Variants in PCDHA2 observed in about 807,000 individuals in gnomAD.
PCDHA2 encodes protocadherin alpha 2, also known as protocadherin alpha-2.
Under a neutral mutation model 66.0 loss-of-function variants are expected in PCDHA2, and 58 were observed. The observed-to-expected ratio is 0.88, with a 90% CI of 0.71 to 1.09. The LOEUF is 1.09. Among genes scored for constraint, PCDHA2 ranks in the 50% least tolerant of loss-of-function variants. PCDHA2 has a pLI of 0.00. For missense variants in PCDHA2, 1,267 were observed against 1,242.3 expected, an observed-to-expected ratio of 1.02 and a Z score of -0.30; for synonymous variants, 634 against 554.0, an observed-to-expected ratio of 1.14 and a Z score of -2.03.
At chr5:140,818,319 T>G (rs2150100782) in intron 1 of PCDHA2, among the ~76,000 whole-genome samples, 2 of 152,234 alleles carry the variant, frequency 1.3e-5, no homozygotes, top group Admixed American at 1.3e-4. Flanking sequence ...CTTTAGGAAT[T>G]TTATCTTGTT....
At chr5:140,930,842 T>C (rs183476886) in intron 1 of PCDHA2, among the ~76,000 whole-genome samples, 1 of 152,338 alleles carries the variant, frequency 6.6e-6, no homozygotes, top group Admixed American at 6.5e-5. Flanking sequence ...TGAATAAATA[T>C]GTGCATATAT....
At chr5:140,818,560 G>A (rs1554127511) in intron 1 of PCDHA2, among the ~76,000 whole-genome samples, 1 of 152,194 alleles carries the variant, frequency 6.6e-6, no homozygotes, top group East Asian at 1.9e-4. Flanking sequence ...AATCAGGCCA[G>A]GCATGGTGGC....
intron 1 of PCDHA2, among the ~76,000 whole-genome samples, chr5:140,978,085 C>T (rs1056593415): frequency 2.2e-4 from 33 of 152,186 alleles, no homozygotes; most frequent in African/African-American, 8.0e-4. Flanking sequence ...AGCTTCTAAC[C>T]AGCACATAAC....
intron 1 of PCDHA2, among the ~76,000 whole-genome samples, chr5:140,947,713 T>G (rs1252298380): frequency 6.6e-6 from 1 of 151,618 alleles, no homozygotes; most frequent in African/African-American, 2.4e-5. Flanking sequence ...AGTATTGAGG[T>G]TTCAAAAGTT....
chr5:140,806,886 T>C (rs1178813131), intron 1 of PCDHA2: 1 of 431,026 alleles, frequency 2.3e-6, no homozygotes, highest in African/African-American at 2.0e-5. Context: ...GTACAAAATG[T>C]ATTCCTATTC....
At chr5:140,823,145 C>T in intron 1 of PCDHA2, 7 of 1,614,012 alleles carry the variant, frequency 4.3e-6, no homozygotes, top group Non-Finnish European at 5.1e-6. Context: ...TTCGCGCAGC[C>T]CCAGTATACC....
chr5:140,834,443 T>C (rs1554134210), intron 1 of PCDHA2: 2 of 1,602,170 alleles, frequency 1.2e-6, no homozygotes, highest in Admixed American at 1.7e-5. Flanking sequence ...TTATTATAAT[T>C]CTAGCAGCTT....
chr5:140,875,401 G>T, intron 1 of PCDHA2: 1 of 1,487,486 alleles, frequency 6.7e-7, no homozygotes, highest in Non-Finnish European at 8.9e-7. Context: ...AAGGGTGACT[G>T]CTCATAAAAT....
chr5:140,975,759 A>G (rs1420459945), intron 1 of PCDHA2, among the ~76,000 whole-genome samples: 1 of 152,248 alleles, frequency 6.6e-6, no homozygotes, highest in Non-Finnish European at 1.5e-5. Context: ...TCTATGTCAT[A>G]AATCACAGAT....
chr5:140,902,209 T>C (rs1583451921), intron 1 of PCDHA2, among the ~76,000 whole-genome samples: 2 of 150,148 alleles, frequency 1.3e-5, no homozygotes, highest in African/African-American at 4.9e-5. Context: ...CTTTCTTTTT[T>C]TTTTTTTTTT....
intron 1 of PCDHA2, chr5:140,863,859 G>A (rs1448688968): frequency 1.7e-5 from 3 of 176,552 alleles, no homozygotes; most frequent in African/African-American, 4.8e-5. Flanking sequence ...AAATTAGCTG[G>A]GTGTGGTGGT....
chr5:140,883,098 T>C lies in PCDHA2; in HGVS notation c.2388+85746T>C, dbSNP rs369154076. 21 of 1,614,014 alleles carry C rather than the reference T, an allele frequency of 1.3e-5. No homozygotes were observed. In the East Asian group the frequency reaches 4.0e-4, roughly 31 times the overall value. On this transcript the variant is annotated intron_variant, in intron 1 of 3. Coordinates refer to ENST00000526136, the MANE Select transcript of PCDHA2 (RefSeq NM_018905.3). ...CCTGATGATGGTACAAATGGAGATA[T>C]AGTTTACTCATTTAGAAGGCCTGTA... is the stretch of plus-strand genomic sequence containing the variant.
intron 1 of PCDHA2, among the ~76,000 whole-genome samples, chr5:140,818,447 T>C (rs2150101283): frequency 0.059 from 8,929 of 152,300 alleles, 871 homozygotes; most frequent in African/African-American, 0.2. Context: ...TACTGGCTAA[T>C]GTCAAAAGAA....
At chr5:140,863,270 T>C (rs1554158046) in intron 1 of PCDHA2, 1 of 1,459,904 alleles carries the variant, frequency 6.8e-7, no homozygotes, top group Admixed American at 1.8e-5. Flanking sequence ...GAGGCAGCGC[T>C]GGTGGATGTC....
At chr5:140,896,672 C>T (rs912022786) in intron 1 of PCDHA2, among the ~76,000 whole-genome samples, 7 of 152,028 alleles carry the variant, frequency 4.6e-5, no homozygotes, top group Middle Eastern at 3.2e-3. Flanking sequence ...TCACTGTGCC[C>T]GGCCCTTTGC....
In PCDHA2 at chr5:140,840,083, C is replaced by G. The variant is rs2150303181; in HGVS notation, c.2388+42731C>G. Among the ~76,000 whole-genome samples, 6 of 151,974 alleles carry G rather than the reference C, an allele frequency of 3.9e-5. No individual in the cohort carries two copies. The East Asian group carries it at 7.7e-4, about 20-fold the overall frequency. On this transcript the variant is annotated intron_variant, in intron 1 of 3. Coordinates refer to ENST00000526136, the MANE Select transcript of PCDHA2 (RefSeq NM_018905.3). The stretch of plus-strand genomic sequence containing the variant: ...GACAATTAGTCAATAGAAAGATAAA[C>G]TTGTTGAAGATTTTAGTGAAATCGA...
intron 1 of PCDHA2, chr5:140,883,500 G>C (rs1562789727): frequency 6.2e-7 from 1 of 1,614,100 alleles, no homozygotes; most frequent in African/African-American, 1.3e-5. Flanking sequence ...GTGCTGGACA[G>C]CGCCCTGGAC....
intron 1 of PCDHA2, chr5:140,858,764 G>C: frequency 4.4e-6 from 2 of 451,976 alleles, no homozygotes; most frequent in Non-Finnish European, 8.0e-6. Context: ...ACAAATATTT[G>C]TGAGATTAGT....
intron 1 of PCDHA2, chr5:140,926,630 C>T (rs754707244): frequency 6.0e-5 from 25 of 417,902 alleles, no homozygotes; most frequent in Non-Finnish European, 3.3e-5. Context: ...CGGCGCTGCG[C>T]TCCTCAACAC....
Sources: gnomAD v4.1 joint callset for allele counts (sites outside exome capture counted in the v4.1 genomes callset) on GRCh38, gnomAD v4.1.1 for gene constraint, MANE v1.5 for transcripts, NCBI Gene and HGNC (gene_info 2026-07-23, HGNC 2026-07-21) for gene names.